Variants in EYA1 observed in about 807,000 individuals in gnomAD.
The protein encoded by EYA1 is protein phosphatase EYA1.
A neutral mutation model predicts 82.0 loss-of-function variants in EYA1; 16 were observed. That is an observed-to-expected ratio of 0.20 (90% CI 0.13 to 0.30). The LOEUF is 0.30. EYA1 is among the 10% of genes least tolerant of loss of function. EYA1 has a pLI of 1.00. For synonymous variants in EYA1, 261 were observed against 264.4 expected (o/e 0.99, Z 0.12); for missense variants, 633 against 730.7 (o/e 0.87, Z 1.54).
Position 71,334,190 on chromosome 8 carries a change from A to G in EYA1, c.125-16T>C. Reference sequence around the variant, plus strand: ...TCTGTTTTAACTACAAAAATAAACAACATACATCGATATTGAATTAATAGT... The same window carrying G: ...TCTGTTTTAACTACAAAAATAAACAGCATACATCGATATTGAATTAATAGT... On this transcript the variant is annotated splice_polypyrimidine_tract_variant and intron_variant, in intron 3 of 17. Coordinates refer to ENST00000340726, the MANE Select transcript of EYA1 (RefSeq NM_000503.6). 6.4e-7 allele frequency: 1 copy of G among 1,567,462 alleles called. No homozygotes were observed. The highest frequency in any genetic ancestry group is 8.8e-7 in the Non-Finnish European group (1 of 1,137,502).
intron 2 of EYA1, among the ~76,000 whole-genome samples, chr8:71,408,030 G>A (rs2129136343): frequency 6.6e-6 from 1 of 151,938 alleles, no homozygotes. Flanking sequence ...TCTCTCGGCA[G>A]AAACCCTACA....
intron 2 of EYA1, among the ~76,000 whole-genome samples, chr8:71,524,413 A>G (rs972791669): frequency 1.3e-4 from 20 of 152,244 alleles, no homozygotes; most frequent in African/African-American, 4.8e-4. Flanking sequence ...GAAATGTTAT[A>G]TTAAATAATC....
chr8:71,472,517 T>C (rs570453659), intron 2 of EYA1, among the ~76,000 whole-genome samples: 1 of 152,112 alleles, frequency 6.6e-6, no homozygotes, highest in East Asian at 1.9e-4. Flanking sequence ...AACTATTAAA[T>C]AGTAAAAAGC....
chr8:71,434,986 T>C (rs1409805376), intron 2 of EYA1, among the ~76,000 whole-genome samples: 1 of 151,984 alleles, frequency 6.6e-6, no homozygotes, highest in East Asian at 1.9e-4. Flanking sequence ...ACACACATAT[T>C]GCACACACCT....
intron 7 of EYA1, among the ~76,000 whole-genome samples, chr8:71,309,338 T>C (rs1030565471): frequency 6.9e-6 from 1 of 145,340 alleles, no homozygotes; most frequent in Non-Finnish European, 1.5e-5. Context: ...TGAAACAAAA[T>C]ATTACTTATA....
chr8:71,229,845 C>T (rs756386355), intron 12 of EYA1, among the ~76,000 whole-genome samples: 7 of 152,140 alleles, frequency 4.6e-5, no homozygotes, highest in Non-Finnish European at 1.0e-4. Context: ...TGACAAAATA[C>T]CAATTCCAGA....
intron 2 of EYA1, among the ~76,000 whole-genome samples, chr8:71,526,144 G>C (rs1468948829): frequency 6.6e-6 from 1 of 151,676 alleles, no homozygotes; most frequent in Non-Finnish European, 1.5e-5. Flanking sequence ...ATTGACCTCT[G>C]AATGTATCCA....
At chr8:71,472,788 G>GAGATATATATATAT (rs71555582) in intron 2 of EYA1, among the ~76,000 whole-genome samples, 2 of 126,828 alleles carry the variant, frequency 1.6e-5, no homozygotes, top group African/African-American at 5.8e-5. Flanking sequence ...TAGCTTTGAA[G>GAGATATATATATAT]ATATATATAT....
intron 2 of EYA1, among the ~76,000 whole-genome samples, chr8:71,507,381 A>G (rs556696516): frequency 1.3e-5 from 2 of 152,248 alleles, no homozygotes; most frequent in South Asian, 2.1e-4. Flanking sequence ...ATAATTTTTT[A>G]CCTCTCATAC....
chr8:71,231,448 C>T (rs996589787), intron 12 of EYA1, among the ~76,000 whole-genome samples: 4 of 152,184 alleles, frequency 2.6e-5, no homozygotes, highest in Non-Finnish European at 5.9e-5. Context: ...AAATGTCATG[C>T]TTTCTCAAGC....
rs186142529 is a variant in EYA1, at chr8:71,211,760, C to T, written c.1598-504G>A. On this transcript the variant is annotated intron_variant, in intron 16 of 17. Transcript: ENST00000340726. ...ACTTGTTTTTGTTCTAGCAAGAAAA[C>T]GCAAACATCGGAATTAGCTTATTCC... Among the ~76,000 whole-genome samples, 11 of 152,170 alleles carry T rather than the reference C, an allele frequency of 7.2e-5. No individual in the cohort carries two copies. In the East Asian group the frequency reaches 9.7e-4, roughly 13 times the overall value.
chr8:71,279,223 G>C (rs527555459), intron 9 of EYA1, among the ~76,000 whole-genome samples: 20 of 152,264 alleles, frequency 1.3e-4, no homozygotes, highest in Admixed American at 1.2e-3. Context: ...AAAAATAACA[G>C]AGCATATCAC....
intron 2 of EYA1, among the ~76,000 whole-genome samples, chr8:71,408,222 G>C (rs1336806307): frequency 1.3e-5 from 2 of 151,886 alleles, no homozygotes; most frequent in Non-Finnish European, 2.9e-5. Context: ...CCTGAAGGAA[G>C]CGCTAAACAT....
intron 2 of EYA1, among the ~76,000 whole-genome samples, chr8:71,441,750 G>GT (rs1456985714): frequency 2.0e-5 from 3 of 152,038 alleles, no homozygotes; most frequent in Non-Finnish European, 4.4e-5. Context: ...AATATTTGTG[G>GT]TTTTCTCAAA....
chr8:71,294,210 A>G (rs1358642088), intron 9 of EYA1, among the ~76,000 whole-genome samples: 1 of 152,184 alleles, frequency 6.6e-6, no homozygotes, highest in African/African-American at 2.4e-5. Flanking sequence ...CTGTAATCCC[A>G]GCACTTTGGG....
At chr8:71,348,354 G>A (rs774367679) in intron 3 of EYA1, among the ~76,000 whole-genome samples, 30 of 152,202 alleles carry the variant, frequency 2.0e-4, no homozygotes, top group Non-Finnish European at 4.1e-4. Context: ...CATTCACTAA[G>A]GTTCACATAT....
chr8:71,365,167 A>G (rs2129083630), upstream of EYA1, among the ~76,000 whole-genome samples: 1 of 151,796 alleles, frequency 6.6e-6, no homozygotes, highest in South Asian at 2.1e-4. Context: ...GATTAATCAA[A>G]TTAAGTATAA....
chr8:71,244,805 G>A (rs1812880110), intron 11 of EYA1, 113 bp from the exon 12 acceptor site: 1 of 676,720 alleles, frequency 1.5e-6, no homozygotes, highest in East Asian at 2.8e-5. Context: ...GAGACACAGA[G>A]AGAGACTTGG....
intron 12 of EYA1, among the ~76,000 whole-genome samples, chr8:71,219,051 A>G (rs1014596858): frequency 6.6e-6 from 1 of 152,182 alleles, no homozygotes; most frequent in African/African-American, 2.4e-5. Flanking sequence ...TTCTGAAGCG[A>G]ATTTAGCTGT....
Sources: allele counts gnomAD v4.1 joint callset (sites outside exome capture counted in the v4.1 genomes callset), GRCh38; gene constraint gnomAD v4.1.1; transcripts MANE v1.5; gene names NCBI Gene and HGNC (gene_info 2026-07-23, HGNC 2026-07-21).